Variants in PRDM16 observed in about 807,000 individuals in gnomAD.
PRDM16 encodes the protein PR/SET domain 16.
Under a neutral mutation model 110.6 loss-of-function variants are expected in PRDM16, and 23 were observed. The ratio of observed to expected loss-of-function variants is 0.21; its 90% CI spans 0.15 to 0.29. PRDM16 has a LOEUF of 0.29. PRDM16 is among the 10% of genes least tolerant of loss of function. The probability of loss-of-function intolerance (pLI) is 1.00; values close to 1 mark genes in which losing one functional copy is unlikely to be tolerated. For synonymous variants in PRDM16, 799 were observed against 781.8 expected (o/e 1.02, Z -0.37); for missense variants, 1,615 against 1,794.3 (o/e 0.90, Z 1.81).
At chr1:3,196,795 T>A (rs940276532) in intron 2 of PRDM16, among the ~76,000 whole-genome samples, 8 of 152,164 alleles carry the variant, frequency 5.3e-5, no homozygotes, top group Admixed American at 1.3e-4. Context: ...GCCCTGAACT[T>A]CCTTCCTCCC....
chr1:3,195,588 GC>G (rs1022114472), intron 2 of PRDM16, among the ~76,000 whole-genome samples: 1 of 144,180 alleles, frequency 6.9e-6, no homozygotes, highest in African/African-American at 2.6e-5. Context: ...CACACGCCCC[GC>G]CCCCCCTGTC....
At chr1:3,408,889 T>TGA (rs745962998) in intron 8 of PRDM16, among the ~76,000 whole-genome samples, 3 of 145,474 alleles carry the variant, frequency 2.1e-5, no homozygotes, top group Non-Finnish European at 4.5e-5. Flanking sequence ...CGTGTGTGTG[T>TGA]GAGAGCGCAT....
At chr1:3,312,418 C>T (rs1641483685) in intron 3 of PRDM16, among the ~76,000 whole-genome samples, 1 of 152,214 alleles carries the variant, frequency 6.6e-6, no homozygotes, top group South Asian at 2.1e-4. Flanking sequence ...CAGCAGGCAG[C>T]CCCCAGCCTC....
rs536480006 is a variant in PRDM16 at position 3,274,486 on chromosome 1, G to A, written c.438+30349G>A. ...CTGGCATGGGCTCTTAGCCGGCTGC[G>A]GAAGGAAGGTCCGTTCTGAAAGGGC... On this transcript the variant is annotated intron_variant, in intron 3 of 16. Coordinates refer to ENST00000270722, the MANE Select transcript of PRDM16 (RefSeq NM_022114.4). Among the ~76,000 whole-genome samples the A allele has an allele frequency of 1.1e-4, 16 of 152,290 alleles. No individual in the cohort carries two copies. In the South Asian group the frequency reaches 1.7e-3, roughly 16 times the overall value.
chr1:3,297,707 C>T (rs770386088), intron 3 of PRDM16, among the ~76,000 whole-genome samples: 11 of 152,062 alleles, frequency 7.2e-5, no homozygotes, highest in Non-Finnish European at 1.2e-4. Flanking sequence ...GGCACCAGGC[C>T]GACTCCTGCC....
intron 3 of PRDM16, among the ~76,000 whole-genome samples, chr1:3,376,418 G>A (rs982710715): frequency 6.6e-6 from 1 of 152,168 alleles, no homozygotes; most frequent in African/African-American, 2.4e-5. Flanking sequence ...GGGTCACAGG[G>A]TCCTCTTGCT....
At chr1:3,280,020 G>T (rs1640678858) in intron 3 of PRDM16, among the ~76,000 whole-genome samples, 1 of 151,808 alleles carries the variant, frequency 6.6e-6, no homozygotes, top group Admixed American at 6.6e-5. Flanking sequence ...TCACGATAAT[G>T]CCATACTTTT....
intron 3 of PRDM16, among the ~76,000 whole-genome samples, chr1:3,277,440 G>C (rs149570399): frequency 3.9e-5 from 6 of 152,228 alleles, no homozygotes; most frequent in South Asian, 2.1e-4. Context: ...GCCATGGGGC[G>C]CACTTGCTCA....
At position 3,081,302 on chromosome 1, in the gene PRDM16, T is replaced by C. The variant is rs544449119; in HGVS notation, c.37+12006T>C. Among the ~76,000 whole-genome samples the C allele has an allele frequency of 6.6e-6, 1 of 152,302 alleles. No individual in the cohort carries two copies. The highest frequency in any genetic ancestry group is 2.1e-4 in the South Asian group (1 of 4,830). On this transcript the variant is annotated intron_variant, in intron 1 of 16. Transcript: ENST00000270722. The surrounding 1 kb of genome is among the most constrained non-coding windows in gnomAD (Gnocchi z 4.6). Reference sequence around the variant, plus strand: ...TGGCACCTGATAAGGGGTCATTCTGTGCTCTTTCCAGAGGGTTTTAGGTTG... The same window carrying C: ...TGGCACCTGATAAGGGGTCATTCTGCGCTCTTTCCAGAGGGTTTTAGGTTG...
At chr1:3,409,256 A>G (rs1374291855) in intron 8 of PRDM16, among the ~76,000 whole-genome samples, 2 of 151,704 alleles carry the variant, frequency 1.3e-5, no homozygotes, top group East Asian at 3.9e-4. Flanking sequence ...GGGCACAGCC[A>G]GGGTGTGCTT....
chr1:3,146,188 C>T (rs533733222), intron 1 of PRDM16, among the ~76,000 whole-genome samples: 1 of 152,350 alleles, frequency 6.6e-6, no homozygotes, highest in East Asian at 1.9e-4. Flanking sequence ...TTCTGCACCG[C>T]CCACCCCAAC....
At chr1:3,297,964 C>A (rs1641125732) in intron 3 of PRDM16, among the ~76,000 whole-genome samples, 1 of 151,822 alleles carries the variant, frequency 6.6e-6, no homozygotes, top group Admixed American at 6.6e-5. Flanking sequence ...GGAGCCAGCT[C>A]TGCAGGGGCC....
At chr1:3,260,462 A>G (rs1005190112) in intron 3 of PRDM16, among the ~76,000 whole-genome samples, 1 of 152,102 alleles carries the variant, frequency 6.6e-6, no homozygotes, top group African/African-American at 2.4e-5. Context: ...TGTAAAGTGG[A>G]AATAATAACT....
chr1:3,413,276 C>T (rs1362199905), intron 9 of PRDM16, among the ~76,000 whole-genome samples: 3 of 149,022 alleles, frequency 2.0e-5, no homozygotes, highest in African/African-American at 7.8e-5. Context: ...CCTGGAGCCA[C>T]AGCGGCAGGG....
chr1:3,315,521 T>A (rs558466678), intron 3 of PRDM16, among the ~76,000 whole-genome samples: 1 of 152,326 alleles, frequency 6.6e-6, no homozygotes, highest in Admixed American at 6.5e-5. Flanking sequence ...CATTAAGACC[T>A]GCGGCTTTCT....
At chr1:3,147,145 T>C (rs1643687508) in intron 1 of PRDM16, among the ~76,000 whole-genome samples, 3 of 148,446 alleles carry the variant, frequency 2.0e-5, no homozygotes, top group Admixed American at 6.7e-5. Context: ...TGCATGTGTG[T>C]GCTCGGTGTG....
intron 1 of PRDM16, among the ~76,000 whole-genome samples, chr1:3,095,410 TG>T (rs1174121329): frequency 6.6e-6 from 1 of 152,164 alleles, no homozygotes; most frequent in East Asian, 1.9e-4. Flanking sequence ...ATGGGTCAGA[TG>T]GACAGTGGTA....
At position 3,279,198 on chromosome 1, in the gene PRDM16, C is replaced by T. The variant is rs572765937; in HGVS notation, c.438+35061C>T. 5.3e-5 allele frequency among the ~76,000 whole-genome samples: 8 copies of T among 152,344 alleles called. No individual in the cohort carries two copies. The South Asian group carries it at 6.2e-4, about 12-fold the overall frequency. On this transcript the variant is annotated intron_variant, in intron 3 of 16. Coordinates refer to ENST00000270722, the MANE Select transcript of PRDM16 (RefSeq NM_022114.4). ...CGTCGCTCACCATGCCTGGAAAGAC[C>T]GGCGGCCTCTCCTGCCCAGGCGCAG...
chr1:3,204,871 G>T (rs1638716547), intron 2 of PRDM16, among the ~76,000 whole-genome samples: 1 of 152,194 alleles, frequency 6.6e-6, no homozygotes, highest in African/African-American at 2.4e-5. Context: ...CCAGCGGTTG[G>T]CTAATTGGAG....
Sources: allele counts gnomAD v4.1 joint callset (sites outside exome capture counted in the v4.1 genomes callset), GRCh38; gene constraint gnomAD v4.1.1; non-coding constraint Gnocchi (gnomAD v3.1); transcripts MANE v1.5; gene names NCBI Gene and HGNC (gene_info 2026-07-23, HGNC 2026-07-21).